The following DGKD variants were observed in gnomAD, a reference collection of about 807,000 sequenced individuals.
DGKD encodes the protein diacylglycerol kinase delta, also known as DAG kinase delta.
DGKD carries 68 observed loss-of-function variants against 154.4 expected under a neutral mutation model. The observed-to-expected ratio is 0.44, with a 90% CI of 0.36 to 0.54. The LOEUF is 0.54. DGKD is among the 20% of genes least tolerant of loss of function. The pLI is 0.00. For synonymous variants in DGKD, 693 were observed against 638.0 expected, an observed-to-expected ratio of 1.09 and a Z score of -1.30; for missense variants, 1,343 against 1,593.6, an observed-to-expected ratio of 0.84 and a Z score of 2.68.
At chr2:233,359,611 G>T (rs765985814) in intron 1 of DGKD, among the ~76,000 whole-genome samples, 5 of 151,814 alleles carry the variant, frequency 3.3e-5, no homozygotes, top group Non-Finnish European at 5.9e-5. Context: ...AACAAATCTG[G>T]CTGAAAATTA....
chr2:233,380,190 T>C (rs560979908), intron 1 of DGKD, among the ~76,000 whole-genome samples: 1 of 152,312 alleles, frequency 6.6e-6, no homozygotes, highest in South Asian at 2.1e-4. Flanking sequence ...CTACTTCTTT[T>C]AGATTTGATG....
intron 3 of DGKD, among the ~76,000 whole-genome samples, chr2:233,428,590 G>A (rs1263148264): frequency 6.6e-6 from 1 of 152,116 alleles, no homozygotes; most frequent in Non-Finnish European, 1.5e-5. Flanking sequence ...TAATAGCTCC[G>A]GTTTTCAGAT....
intron 7 of DGKD, among the ~76,000 whole-genome samples, chr2:233,437,134 C>T (rs554892986): frequency 1.2e-4 from 19 of 152,344 alleles, no homozygotes; most frequent in East Asian, 7.7e-4. Flanking sequence ...GTAGCTCACA[C>T]GGTGTGAAGC....
intron 9 of DGKD, among the ~76,000 whole-genome samples, chr2:233,439,147 G>T (rs578176667): frequency 1.3e-5 from 2 of 152,356 alleles, no homozygotes; most frequent in East Asian, 3.9e-4. Context: ...GGAAGCATCA[G>T]TTCCAGGTCG....
At chr2:233,371,948 A>C (rs147611180) in intron 1 of DGKD, among the ~76,000 whole-genome samples, 1 of 152,264 alleles carries the variant, frequency 6.6e-6, no homozygotes, top group Non-Finnish European at 1.5e-5. Context: ...AGACATTTAC[A>C]TATTTAAAGA....
At chr2:233,401,917 CTCAA>C (rs2061567154) in intron 3 of DGKD, among the ~76,000 whole-genome samples, 1 of 55,948 alleles carries the variant, frequency 1.8e-5, no homozygotes, top group Non-Finnish European at 3.1e-5. Flanking sequence ...GAGACTCTGT[CTCAA>C]AAAAAAAAAA....
At chr2:233,373,682 G>A (rs564962022) in intron 1 of DGKD, among the ~76,000 whole-genome samples, 29 of 152,286 alleles carry the variant, frequency 1.9e-4, no homozygotes, top group African/African-American at 2.4e-4. Context: ...TATATGGAAC[G>A]ACTTAATTAT....
chr2:233,460,068 T>G, intron 23 of DGKD, 126 bp from the exon 24 acceptor site: 1 of 1,472,930 alleles, frequency 6.8e-7, no homozygotes, highest in Non-Finnish European at 9.0e-7. Context: ...TCCCCTAATG[T>G]TAAAAAAAAA....
At chr2:233,423,920 A>G (rs1575091564) in intron 3 of DGKD, among the ~76,000 whole-genome samples, 1 of 152,140 alleles carries the variant, frequency 6.6e-6, no homozygotes, top group East Asian at 1.9e-4. Context: ...ATCCCTTTGG[A>G]CAAGACCCTT....
At chr2:233,404,360 G>A (rs2061629669) in intron 3 of DGKD, among the ~76,000 whole-genome samples, 1 of 152,152 alleles carries the variant, frequency 6.6e-6, no homozygotes, top group South Asian at 2.1e-4. Context: ...ATCACAGGAG[G>A]GACATTTAGG....
chr2:233,359,621 A>T (rs1000810396), intron 1 of DGKD, among the ~76,000 whole-genome samples: 2 of 152,084 alleles, frequency 1.3e-5, no homozygotes, highest in African/African-American at 4.8e-5. Flanking sequence ...GCTGAAAATT[A>T]ACAAAGACCA....
At chr2:233,444,919 G>A (rs1182769175) in intron 10 of DGKD, among the ~76,000 whole-genome samples, 4 of 152,110 alleles carry the variant, frequency 2.6e-5, no homozygotes, top group South Asian at 4.2e-4. Context: ...AGAGTCAAAG[G>A]CTGGTGAGCT....
At chr2:233,407,971 A>G (rs1344490064) in intron 3 of DGKD, among the ~76,000 whole-genome samples, 3 of 151,072 alleles carry the variant, frequency 2.0e-5, no homozygotes, top group African/African-American at 4.9e-5. Flanking sequence ...CCTTTTTAGC[A>G]TGTTTGGATT....
rs780730543 is a variant in DGKD at position 233,441,862 on chromosome 2, C to T, written c.1086-25C>T. 8.1e-6 allele frequency: 13 copies of T among 1,602,854 alleles called. No individual in the cohort carries two copies. The highest frequency in any genetic ancestry group is 6.8e-6 in the Non-Finnish European group (8 of 1,171,692). ...TTGTCCTGTGGAATGGATGTCATTTCACGGCCTTTCTCTTTTCTCTGCAGC... is the reference window on the plus strand; with the variant it reads ...TTGTCCTGTGGAATGGATGTCATTTTACGGCCTTTCTCTTTTCTCTGCAGC... On this transcript the variant is annotated intron_variant, in intron 9 of 29. Transcript: ENST00000264057. This position sits in a 1 kb window ranked among gnomAD's most constrained non-coding sequence, Gnocchi z 5.6.
intron 3 of DGKD, among the ~76,000 whole-genome samples, chr2:233,404,655 G>T (rs929597861): frequency 6.6e-6 from 1 of 151,950 alleles, no homozygotes; most frequent in African/African-American, 2.4e-5. Flanking sequence ...TAAGCCTCCA[G>T]AATCTCTAGA....
chr2:233,450,738 C>T (rs2063251084), intron 16 of DGKD, among the ~76,000 whole-genome samples, 184 bp from the exon 17 acceptor site: 1 of 152,180 alleles, frequency 6.6e-6, no homozygotes, highest in Non-Finnish European at 1.5e-5. Flanking sequence ...GAGCCCAGCC[C>T]CCCAAACATG....
At chr2:233,373,499 A>G (rs1194941283) in intron 1 of DGKD, among the ~76,000 whole-genome samples, 9 of 152,208 alleles carry the variant, frequency 5.9e-5, no homozygotes, top group Non-Finnish European at 2.9e-5. Flanking sequence ...TGACGTGGAG[A>G]TGATTCAGAT....
intron 3 of DGKD, among the ~76,000 whole-genome samples, chr2:233,404,944 C>T (rs796816848): frequency 1.3e-5 from 2 of 152,114 alleles, no homozygotes; most frequent in African/African-American, 4.8e-5. Context: ...AGGAATGGAA[C>T]CAGCTTGGAA....
chr2:233,430,029 A>C (rs2062456933), intron 3 of DGKD, among the ~76,000 whole-genome samples: 1 of 152,242 alleles, frequency 6.6e-6, no homozygotes, highest in East Asian at 1.9e-4. Flanking sequence ...GGTCTTCTTA[A>C]TGTAAATTAA....
Sources: allele counts gnomAD v4.1 joint callset (sites outside exome capture counted in the v4.1 genomes callset), GRCh38; gene constraint gnomAD v4.1.1; non-coding constraint Gnocchi (gnomAD v3.1); transcripts MANE v1.5; gene names NCBI Gene and HGNC (gene_info 2026-07-23, HGNC 2026-07-21).